Variants in DUS3L observed in about 807,000 individuals in gnomAD.
The protein encoded by DUS3L is tRNA-dihydrouridine(47) synthase [NAD(P)(+)]-like.
In DUS3L, 62 loss-of-function variants were observed where a neutral mutation model predicts 74.6. The observed-to-expected ratio is 0.83, with a 90% confidence interval of 0.68 to 1.03. The LOEUF is 1.03. Among genes scored for constraint, DUS3L ranks in the 50% least tolerant of loss-of-function variants. DUS3L has a pLI of 0.00. For missense variants in DUS3L, 884 were observed against 924.4 expected (o/e 0.96, Z 0.57); for synonymous variants, 433 against 395.7 (o/e 1.09, Z -1.12).
Position 5,789,648 on chromosome 19 carries a change from G to C in DUS3L, c.459C>G (p.Thr153=). The C allele has an allele frequency of 1.9e-6, 3 of 1,608,770 alleles. No homozygotes were observed. The highest frequency in any genetic ancestry group is 2.5e-6 in the Non-Finnish European group (3 of 1,178,554). ...AGCGGGGGCCCAGGTCGGCCGGCTT[G>C]GTCTCCAGGTAGCGCCCCACGTCGT... The part of the protein sequence containing the change: ...FLHDVGRYLE[T]KPADLGPRCV... Residue 153 remains threonine, a synonymous_variant, in exon 3 of 13, where the codon ACC becomes ACG. Coordinates refer to ENST00000309061, the MANE Select transcript of DUS3L (RefSeq NM_020175.3).
At chr19:5,787,784 G>C in intron 5 of DUS3L, 79 bp from the exon 6 acceptor site, 1 of 1,540,066 alleles carries the variant, frequency 6.5e-7, no homozygotes, top group Non-Finnish European at 8.9e-7. Flanking sequence ...CTCCCCACTG[G>C]GGGGCCCTGA....
Sources: gnomAD v4.1 joint callset for allele counts on GRCh38, gnomAD v4.1.1 for gene constraint, MANE v1.5 for transcripts, NCBI Gene and HGNC (gene_info 2026-07-23, HGNC 2026-07-21) for gene names.